The following COL24A1 variants were observed in gnomAD, a reference collection of about 807,000 sequenced individuals.
COL24A1 encodes the protein collagen type XXIV alpha 1 chain.
Under a neutral mutation model 253.9 loss-of-function variants are expected in COL24A1, and 224 were observed. The observed-to-expected ratio is 0.88, with a 90% confidence interval of 0.79 to 0.99. The LOEUF (loss-of-function observed/expected upper bound fraction) is 0.99. Ranked by LOEUF, COL24A1 falls within the 50% of genes least tolerant of loss-of-function variation. COL24A1 has a pLI of 0.00. For synonymous variants in COL24A1, 685 were observed against 673.7 expected (o/e 1.02, Z -0.26); for missense variants, 2,131 against 2,068.5 (o/e 1.03, Z -0.59).
intron 19 of COL24A1, among the ~76,000 whole-genome samples, chr1:86,014,932 CTTT>C (rs1240791094): frequency 6.6e-6 from 1 of 152,070 alleles, no homozygotes; most frequent in Non-Finnish European, 1.5e-5. Context: ...CTGATAATTC[CTTT>C]CTCTTGCTTA....
chr1:85,868,790 C>T lies in COL24A1; in HGVS notation c.3184G>A (p.Gly1062Arg). ...TTAAAAGTATAATTTACCTTTAACCCATCTTTTCCCTGGAGACCTTCTTCT... is the reference window on the plus strand; with the variant it reads ...TTAAAAGTATAATTTACCTTTAACCTATCTTTTCCCTGGAGACCTTCTTCT... ...PGEEGLQGKDGLKGVPGGRGL... is the reference protein window; with the variant it reads ...PGEEGLQGKDRLKGVPGGRGL... The change falls in exon 36 of 60, where the codon GGG (glycine) becomes AGG (arginine). Residue 1062 changes from glycine to arginine, a missense_variant. Gly to Arg is a moderately radical substitution (Grantham distance 125). Coordinates refer to ENST00000370571, the MANE Select transcript of COL24A1 (RefSeq NM_152890.7). 1 of 1,579,178 alleles carries T rather than the reference C, an allele frequency of 6.3e-7. No individual in the cohort carries two copies. Among genetic ancestry groups the T allele is most frequent in the East Asian group, 2.3e-5 (1 of 44,238 alleles).
intron 53 of COL24A1, among the ~76,000 whole-genome samples, chr1:85,775,129 C>T (rs1461225160): frequency 6.6e-6 from 1 of 152,066 alleles, no homozygotes; most frequent in African/African-American, 2.4e-5. Context: ...TCGTTAGGTA[C>T]CCAGTAGTCA....
intron 2 of COL24A1, among the ~76,000 whole-genome samples, chr1:86,141,217 C>T (rs1651022879): frequency 6.6e-6 from 1 of 152,162 alleles, no homozygotes; most frequent in Admixed American, 6.5e-5. Context: ...CAGGCTGATT[C>T]ATATTGCAAA....
At chr1:85,987,485 A>G in intron 20 of COL24A1, 116 bp downstream of exon 20, 2 of 919,624 alleles carry the variant, frequency 2.2e-6, no homozygotes, top group South Asian at 3.0e-5. Flanking sequence ...TACCTGAGAC[A>G]GCTTAAAAAT....
chr1:85,930,363 A>T (rs1399499329), intron 24 of COL24A1, among the ~76,000 whole-genome samples: 1 of 35,468 alleles, frequency 2.8e-5, no homozygotes, highest in African/African-American at 1.3e-4. Context: ...CGACACATAC[A>T]CTCTCCCAAG....
At chr1:85,905,756 G>A (rs956539108) in intron 28 of COL24A1, among the ~76,000 whole-genome samples, 10 of 152,054 alleles carry the variant, frequency 6.6e-5, no homozygotes, top group Admixed American at 3.3e-4. Flanking sequence ...CAGAACAAAC[G>A]AACTTTCCAT....
At chr1:86,064,315 A>C (rs1701322610) in intron 7 of COL24A1, among the ~76,000 whole-genome samples, 1 of 152,210 alleles carries the variant, frequency 6.6e-6, no homozygotes, top group Admixed American at 6.5e-5. Flanking sequence ...CTAGGGAATT[A>C]GTAACAAAGA....
intron 10 of COL24A1, among the ~76,000 whole-genome samples, chr1:86,052,987 G>C (rs982082329): frequency 1.3e-5 from 2 of 151,872 alleles, no homozygotes; most frequent in African/African-American, 4.8e-5. Flanking sequence ...AAGAAAAGAG[G>C]GAGAGAGAGA....
chr1:86,051,268 A>C (rs1159366561), intron 10 of COL24A1, among the ~76,000 whole-genome samples: 1 of 152,130 alleles, frequency 6.6e-6, no homozygotes, highest in Non-Finnish European at 1.5e-5. Flanking sequence ...AAAAGTACAT[A>C]GTTTATTGGG....
chr1:86,033,909 G>C lies in COL24A1; in HGVS notation c.1965C>G (p.Asp655Glu). The part of the protein sequence containing the change: ...GFKGRQGFPG[D>E]FGDRGPAGLD... The stretch of plus-strand genomic sequence containing the variant: ...GACCAGCAGGGCCTCTGTCTCCAAA[G>C]TCACCTGGAAAACCCTGTCACAGGG... Residue 655 changes from aspartate to glutamate, a missense_variant, in exon 13 of 60, where the codon GAC becomes GAG. Physicochemically the swap from Asp to Glu is conservative, Grantham distance 45. Coordinates refer to ENST00000370571, the MANE Select transcript of COL24A1 (RefSeq NM_152890.7). 1 of 1,594,854 alleles carries C rather than the reference G, an allele frequency of 6.3e-7. No homozygotes were observed. Among genetic ancestry groups the C allele is most frequent in the Middle Eastern group, 1.7e-4 (1 of 6,022 alleles).
intron 14 of COL24A1, among the ~76,000 whole-genome samples, chr1:86,023,977 A>T (rs1012347051): frequency 4.6e-5 from 7 of 152,204 alleles, no homozygotes; most frequent in Admixed American, 2.6e-4. Flanking sequence ...TTAAAGTTGC[A>T]TTTGTGAAAT....
chr1:85,947,420 A>T (rs1250369242), intron 24 of COL24A1, among the ~76,000 whole-genome samples: 2 of 152,224 alleles, frequency 1.3e-5, no homozygotes, highest in Non-Finnish European at 2.9e-5. Flanking sequence ...ATTGAAACCA[A>T]CTAAATTGCC....
intron 32 of COL24A1, among the ~76,000 whole-genome samples, chr1:85,881,653 G>A (rs1331642761): frequency 1.3e-5 from 2 of 152,048 alleles, no homozygotes; most frequent in African/African-American, 4.8e-5. Flanking sequence ...TGTGAAAATA[G>A]AATTGCTCAT....
At chr1:85,748,082 T>A (rs1665460391) in intron 55 of COL24A1, among the ~76,000 whole-genome samples, 1 of 152,208 alleles carries the variant, frequency 6.6e-6, no homozygotes, top group Non-Finnish European at 1.5e-5. Context: ...ATCTGTCAAA[T>A]CCTCAGTGAT....
At chr1:85,813,847 G>A (rs1326211933) in intron 47 of COL24A1, among the ~76,000 whole-genome samples, 8 of 152,162 alleles carry the variant, frequency 5.3e-5, no homozygotes, top group African/African-American at 1.4e-4. Context: ...CACCGCGCCC[G>A]GCCTCATTCA....
chr1:85,933,830 A>G (rs1180116466), intron 24 of COL24A1, among the ~76,000 whole-genome samples: 1 of 152,162 alleles, frequency 6.6e-6, no homozygotes, highest in East Asian at 1.9e-4. Flanking sequence ...GTTTGTTCCT[A>G]TTTATTCTTC....
intron 10 of COL24A1, among the ~76,000 whole-genome samples, chr1:86,054,726 A>C (rs896601982): frequency 5.3e-5 from 8 of 152,214 alleles, no homozygotes; most frequent in Non-Finnish European, 1.2e-4. Context: ...TGTGGAAAGA[A>C]GTTTGGAAAT....
intron 5 of COL24A1, among the ~76,000 whole-genome samples, chr1:86,110,116 A>C (rs1705395768): frequency 6.6e-6 from 1 of 152,016 alleles, no homozygotes; most frequent in South Asian, 2.1e-4. Context: ...AAACTAAGAA[A>C]ATATATATTG....
At chr1:86,095,407 A>G (rs575602617) in intron 5 of COL24A1, among the ~76,000 whole-genome samples, 1 of 152,204 alleles carries the variant, frequency 6.6e-6, no homozygotes, top group African/African-American at 2.4e-5. Context: ...CTCATGTTTT[A>G]GAATGGGAAT....
Sources: gnomAD v4.1 joint callset for allele counts (sites outside exome capture counted in the v4.1 genomes callset) on GRCh38, gnomAD v4.1.1 for gene constraint, MANE v1.5 for transcripts, NCBI Gene and HGNC (gene_info 2026-07-23, HGNC 2026-07-21) for gene names.